The following TOM1L2 variants were observed in gnomAD, a reference collection of about 807,000 sequenced individuals.
The protein encoded by TOM1L2 is TOM1-like protein 2.
A neutral mutation model predicts 67.9 loss-of-function variants in TOM1L2; 31 were observed. The ratio of observed to expected loss-of-function variants is 0.46; its 90% CI spans 0.34 to 0.62. The LOEUF (loss-of-function observed/expected upper bound fraction) is 0.62, where lower values mean the gene tolerates loss of function less well. Ranked by LOEUF, TOM1L2 falls within the 20% of genes least tolerant of loss-of-function variation. The probability of loss-of-function intolerance (pLI) is 0.01; values close to 1 mark genes in which losing one functional copy is unlikely to be tolerated. For synonymous variants in TOM1L2, 256 were observed against 254.0 expected (o/e 1.01, Z -0.07); for missense variants, 606 against 663.5 (o/e 0.91, Z 0.95).
At chr17:17,916,419 T>C (rs963077200) in intron 1 of TOM1L2, among the ~76,000 whole-genome samples, 3 of 152,182 alleles carry the variant, frequency 2.0e-5, no homozygotes, top group Non-Finnish European at 4.4e-5. Flanking sequence ...TGTTTAGGTC[T>C]TTGGTCTGTT....
intron 6 of TOM1L2, among the ~76,000 whole-genome samples, chr17:17,880,943 G>A (rs1568150779): frequency 6.6e-6 from 1 of 152,144 alleles, no homozygotes; most frequent in South Asian, 2.1e-4. Flanking sequence ...CCCATCCTGA[G>A]GTAGAAGCAA....
At chr17:17,963,575 T>A (rs1207953323) in intron 1 of TOM1L2, among the ~76,000 whole-genome samples, 1 of 152,164 alleles carries the variant, frequency 6.6e-6, no homozygotes, top group Non-Finnish European at 1.5e-5. Context: ...AAAAAATTTT[T>A]AAATGAGATA....
chr17:17,940,192 CAAAAAAAAAA>C (rs34433429), intron 1 of TOM1L2, among the ~76,000 whole-genome samples: 1 of 32,612 alleles, frequency 3.1e-5, no homozygotes. Flanking sequence ...GACTCTATCT[CAAAAAAAAAA>C]AAAAAAAAAA....
intron 7 of TOM1L2, among the ~76,000 whole-genome samples, chr17:17,876,844 G>T (rs1345871146): frequency 6.6e-6 from 1 of 152,246 alleles, no homozygotes; most frequent in Admixed American, 6.5e-5. Context: ...CAAGAGGGCT[G>T]CTGTGAACAG....
At chr17:17,961,070 C>T (rs1287852111) in intron 1 of TOM1L2, among the ~76,000 whole-genome samples, 3 of 152,250 alleles carry the variant, frequency 2.0e-5, no homozygotes, top group Non-Finnish European at 2.9e-5. Context: ...ATATAGAGAA[C>T]TCCTAAAACC....
intron 12 of TOM1L2, among the ~76,000 whole-genome samples, chr17:17,851,970 C>T (rs916413011): frequency 2.0e-5 from 3 of 152,182 alleles, no homozygotes; most frequent in Admixed American, 6.5e-5. Flanking sequence ...ATAAGAAGCT[C>T]CCTAGAAGCC....
intron 1 of TOM1L2, among the ~76,000 whole-genome samples, chr17:17,931,721 A>G (rs1161269867): frequency 6.6e-6 from 1 of 152,252 alleles, no homozygotes; most frequent in African/African-American, 2.4e-5. Context: ...CAGTAGCTTC[A>G]TGCCAGATCC....
chr17:17,950,046 TG>T (rs1332041359), intron 1 of TOM1L2, among the ~76,000 whole-genome samples: 2 of 152,016 alleles, frequency 1.3e-5, no homozygotes, highest in African/African-American at 4.8e-5. Flanking sequence ...AATTTTTTTT[TG>T]TATTTTAGTA....
chr17:17,875,879 G>GCTA (rs1445855110), intron 7 of TOM1L2, among the ~76,000 whole-genome samples: 1 of 152,218 alleles, frequency 6.6e-6, no homozygotes, highest in Non-Finnish European at 1.5e-5. Flanking sequence ...GAATAATGAA[G>GCTA]CTAAACATGT....
chr17:17,920,415 A>T (rs2039811547), intron 1 of TOM1L2, among the ~76,000 whole-genome samples: 1 of 138,528 alleles, frequency 7.2e-6, no homozygotes, highest in South Asian at 2.2e-4. Flanking sequence ...ATCTCAGCTC[A>T]CCACAACCGC....
chr17:17,894,612 T>C (rs1236531254), intron 3 of TOM1L2, among the ~76,000 whole-genome samples: 4 of 152,134 alleles, frequency 2.6e-5, no homozygotes, highest in East Asian at 3.8e-4. Flanking sequence ...CCTTGCAAGA[T>C]TGTTGGAAAG....
intron 4 of TOM1L2, among the ~76,000 whole-genome samples, chr17:17,891,791 G>GTA (rs1330276160): frequency 1.3e-5 from 2 of 150,870 alleles, no homozygotes; most frequent in African/African-American, 4.9e-5. Context: ...ACACGTGTGT[G>GTA]TGTGTGTGTG....
At chr17:17,930,018 T>C (rs1311895169) in intron 1 of TOM1L2, among the ~76,000 whole-genome samples, 3 of 152,182 alleles carry the variant, frequency 2.0e-5, no homozygotes, top group South Asian at 2.1e-4. Flanking sequence ...ACAGAGCCCA[T>C]GCCTGGGCAC....
intron 4 of TOM1L2, among the ~76,000 whole-genome samples, chr17:17,891,582 G>A (rs1158070750): frequency 6.6e-6 from 1 of 152,214 alleles, no homozygotes; most frequent in African/African-American, 2.4e-5. Flanking sequence ...CCATGCGGTA[G>A]GCTAGCCACC....
intron 1 of TOM1L2, among the ~76,000 whole-genome samples, chr17:17,961,494 G>A (rs779948108): frequency 1.3e-5 from 2 of 151,990 alleles, no homozygotes; most frequent in Non-Finnish European, 2.9e-5. Context: ...AGGATTGCTC[G>A]AGTTCAGAAG....
At chr17:17,854,452 C>T (rs2036157032) in intron 12 of TOM1L2, among the ~76,000 whole-genome samples, 2 of 151,868 alleles carry the variant, frequency 1.3e-5, no homozygotes, top group South Asian at 2.1e-4. Context: ...CCAGCAGATT[C>T]CTAAGAAGGC....
intron 1 of TOM1L2, among the ~76,000 whole-genome samples, chr17:17,915,021 T>C (rs1359403502): frequency 1.3e-5 from 2 of 152,188 alleles, no homozygotes; most frequent in African/African-American, 4.8e-5. Context: ...TTTGTTTGGA[T>C]GTGTGAGTTC....
In TOM1L2 at chr17:17,844,279, G is replaced by C. The variant is rs555754425; in HGVS notation, c.*3356C>G. ...GGTGGGGTGTGGCAGCGGGAAGGAG[G>C]GGGGCAGGAGCGTGAGCATCGGCAG... On this transcript the variant is annotated 3_prime_UTR_variant, in exon 15 of 15. Coordinates refer to ENST00000379504, the MANE Select transcript of TOM1L2 (RefSeq NM_001082968.2). The C allele has an allele frequency of 2.0e-5, 3 of 152,332 alleles. No individual in the cohort carries two copies. The highest frequency in any genetic ancestry group is 4.4e-5 in the Non-Finnish European group (3 of 68,116). The allele number at this position is 152,332 out of a possible 1,614,324, so 9.4% of individuals were successfully genotyped here.
chr17:17,867,057 A>C, intron 8 of TOM1L2, 133 bp from the exon 9 acceptor site: 1 of 791,518 alleles, frequency 1.3e-6, no homozygotes, highest in Non-Finnish European at 2.2e-6. Flanking sequence ...AGGGAGTGAA[A>C]CCATATATCA....
Sources: allele counts gnomAD v4.1 joint callset (sites outside exome capture counted in the v4.1 genomes callset), GRCh38; gene constraint gnomAD v4.1.1; transcripts MANE v1.5; gene names NCBI Gene and HGNC (gene_info 2026-07-23, HGNC 2026-07-21).